Variants in KAT7 observed in about 807,000 individuals in gnomAD.
KAT7 encodes lysine acetyltransferase 7.
In KAT7, 10 loss-of-function variants were observed where a neutral mutation model predicts 82.1. The ratio of observed to expected loss-of-function variants is 0.12; its 90% CI spans 0.08 to 0.21. The LOEUF is 0.21. KAT7 is among the 10% of genes least tolerant of loss of function. The pLI is 1.00. For missense variants in KAT7, 378 were observed against 760.9 expected, an observed-to-expected ratio of 0.50 and a Z score of 5.92; for synonymous variants, 250 against 262.5, an observed-to-expected ratio of 0.95 and a Z score of 0.46.
intron 6 of KAT7, 61 bp downstream of exon 6, chr17:49,809,269 C>T: frequency 8.4e-7 from 1 of 1,186,850 alleles, no homozygotes; most frequent in Non-Finnish European, 1.3e-6. Flanking sequence ...TGGATCTCCT[C>T]TATAATTGTC....
chr17:49,809,061 T>A, intron 5 of KAT7, 58 bp from the exon 6 acceptor site: 1 of 1,351,710 alleles, frequency 7.4e-7, no homozygotes, highest in Middle Eastern at 1.8e-4. Context: ...ATTCTTATGC[T>A]TTAAGTAAAC....
chr17:49,797,576 A>C (rs1172980655), intron 3 of KAT7, among the ~76,000 whole-genome samples: 1 of 152,220 alleles, frequency 6.6e-6, no homozygotes, highest in Non-Finnish European at 1.5e-5. Flanking sequence ...CAGACTGGTG[A>C]ACTACTTCTA....
Position 49,797,704 on chromosome 17 carries a change from A to G in KAT7, c.341-615A>G, listed in dbSNP as rs1006689851. Reference sequence around the variant, plus strand: ...AACCTGGATTAATAGTTTATTTTAAACAATGAAAAGATCTGGGAACACTGG... The same window carrying G: ...AACCTGGATTAATAGTTTATTTTAAGCAATGAAAAGATCTGGGAACACTGG... On this transcript the variant is annotated intron_variant, in intron 3 of 14. Coordinates refer to ENST00000259021, the MANE Select transcript of KAT7 (RefSeq NM_007067.5). 2.6e-5 allele frequency among the ~76,000 whole-genome samples: 4 copies of G among 152,354 alleles called. No homozygotes were observed. The East Asian group carries it at 7.7e-4, about 29-fold the overall frequency.
rs1195418640 is a variant in KAT7, at chr17:49,834,601, C to A, written c.*7099C>A. On this transcript the variant is annotated 3_prime_UTR_variant, in exon 15 of 15. Transcript: ENST00000259021. ...GCTTTCATCATTCCCTTACACATAA[C>A]CTCAACGTGCAACAGGATTAGTCTA... is the stretch of plus-strand genomic sequence containing the variant. 2.0e-5 allele frequency: 3 copies of A among 152,252 alleles called. No homozygotes were observed. Among genetic ancestry groups the A allele is most frequent in the Non-Finnish European group, 2.9e-5 (2 of 68,044 alleles). The allele number at this position is 152,252 out of a possible 1,614,324, so 9.4% of individuals were successfully genotyped here.
At chr17:49,807,974 G>A (rs2074112339) in intron 5 of KAT7, among the ~76,000 whole-genome samples, 1 of 152,122 alleles carries the variant, frequency 6.6e-6, no homozygotes, top group African/African-American at 2.4e-5. Context: ...ACCATTCTGA[G>A]TTTTAGTGGT....
intron 12 of KAT7, chr17:49,824,408 G>A (rs1288344657): frequency 6.6e-6 from 1 of 152,206 alleles, no homozygotes; most frequent in East Asian, 1.9e-4. Context: ...TGCCCAGGCT[G>A]GAGCACAATG....
At position 49,829,039 on chromosome 17, in the gene KAT7, A is replaced by G. The variant is rs1157267887; in HGVS notation, c.*1537A>G. Reference sequence around the variant, plus strand: ...TTACAGAAGCTAAACCCTTCCCCACATGTGGTAGAATGTGCTCTTCTATAT... The same window carrying G: ...TTACAGAAGCTAAACCCTTCCCCACGTGTGGTAGAATGTGCTCTTCTATAT... On this transcript the variant is annotated 3_prime_UTR_variant, in exon 15 of 15. Coordinates refer to ENST00000259021, the MANE Select transcript of KAT7 (RefSeq NM_007067.5). 1.3e-5 allele frequency: 2 copies of G among 152,652 alleles called. No homozygotes were observed. Among genetic ancestry groups the G allele is most frequent in the African/African-American group, 4.8e-5 (2 of 41,440 alleles). The allele number at this position is 152,652 out of a possible 1,614,324, so 9.5% of individuals were successfully genotyped here. A position where few individuals can be genotyped will look rare whatever the true frequency, so the allele number is the denominator to read the frequency against.
chr17:49,798,938 A>G (rs562305347), intron 4 of KAT7, among the ~76,000 whole-genome samples: 1 of 152,358 alleles, frequency 6.6e-6, no homozygotes, highest in East Asian at 1.9e-4. Context: ...TTGCACGGCC[A>G]TAGCTGTTAA....
intron 11 of KAT7, 129 bp downstream of exon 11, chr17:49,821,919 A>T (rs1040032887): frequency 4.1e-5 from 6 of 146,292 alleles, no homozygotes; most frequent in African/African-American, 1.6e-4. Context: ...TCCTTAAATT[A>T]AAAAAAAAAA....
chr17:49,793,918 A>G (rs558254360), intron 2 of KAT7, among the ~76,000 whole-genome samples: 1 of 152,288 alleles, frequency 6.6e-6, no homozygotes, highest in African/African-American at 2.4e-5. Flanking sequence ...GAGAAAAACC[A>G]TCAGTTTTTC....
chr17:49,788,817 G>T lies in KAT7; in HGVS notation c.-18G>T. 1 of 1,582,900 alleles carries T rather than the reference G, an allele frequency of 6.3e-7. No homozygotes were observed. Among genetic ancestry groups the T allele is most frequent in the East Asian group, 2.4e-5 (1 of 42,256 alleles). On this transcript the variant is annotated 5_prime_UTR_variant, in exon 1 of 15. Coordinates refer to ENST00000259021, the MANE Select transcript of KAT7 (RefSeq NM_007067.5). ...CGCCGCTGCCCGAATCGGAACCGTC[G>T]GGCCGCAGCCGCCGGCAATGCCGCG...
chr17:49,818,102 C>T (rs2074256225), intron 9 of KAT7, 91 bp downstream of exon 9: 8 of 1,000,812 alleles, frequency 8.0e-6, no homozygotes, highest in Non-Finnish European at 1.1e-5. Context: ...TCTGTTCAGG[C>T]ACCTTCTCAG....
rs116010232 is a variant in KAT7, at chr17:49,825,186, C to T, written c.1481-814C>T. Among the ~76,000 whole-genome samples, 617 of 152,202 alleles carry T rather than the reference C, an allele frequency of 4.1e-3. 4 individuals are homozygous for T. The highest frequency in any genetic ancestry group is 0.014 in the African/African-American group (597 of 41,518). On this transcript the variant is annotated intron_variant, in intron 12 of 14. Transcript: ENST00000259021. ...TTATGAACTTTGCACACTGCATCTC[C>T]ATAGTGTTGTTTTATATATTTTGTA... is the stretch of plus-strand genomic sequence containing the variant.
chr17:49,821,938 AC>A, intron 11 of KAT7, 148 bp downstream of exon 11: 1 of 693,610 alleles, frequency 1.4e-6, no homozygotes, highest in Non-Finnish European at 2.4e-6. Flanking sequence ...AAAAAGGCAA[AC>A]CCATGTATCA....
At position 49,817,867 on chromosome 17, in the gene KAT7, T is replaced by G; in HGVS notation, c.1011T>G (p.Ile337Met). 6.2e-7 allele frequency: 1 copy of G among 1,613,070 alleles called. No homozygotes were observed. Among genetic ancestry groups the G allele is most frequent in the Non-Finnish European group, 8.5e-7 (1 of 1,179,846 alleles). Residue 337 changes from isoleucine to methionine, a missense_variant, in exon 9 of 15, where the codon ATT becomes ATG. This residue lies in a region of KAT7 where 37 missense variants were observed against 98.6 expected (regional missense o/e 0.38). Transcript: ENST00000259021. ...AAATCACAGAGGGAAGCAACATGAT[T>G]AAAACAATTGCTTTTGGCCGCTATG... ...QGQITEGSNM[I>M]KTIAFGRYEL...
chr17:49,798,845 A>G (rs1374699729), intron 4 of KAT7, among the ~76,000 whole-genome samples: 4 of 152,214 alleles, frequency 2.6e-5, no homozygotes, highest in African/African-American at 7.2e-5. Context: ...AGCAAAAAAG[A>G]CTATCTGCAG....
chr17:49,803,890 C>CTT (rs750265866), intron 4 of KAT7, among the ~76,000 whole-genome samples: 266 of 134,694 alleles, frequency 2.0e-3, no homozygotes, highest in African/African-American at 6.1e-3. Context: ...AATTAAATGT[C>CTT]TTTTTTTTTT....
chr17:49,813,264 G>T (rs2074192568), intron 7 of KAT7, among the ~76,000 whole-genome samples: 1 of 152,086 alleles, frequency 6.6e-6, no homozygotes, highest in South Asian at 2.1e-4. Flanking sequence ...TTATAAGTGA[G>T]AACATGCTGT....
rs2074305850 is a variant in KAT7 at position 49,821,730 on chromosome 17, G to T, written c.1326G>T (p.Leu442=). The change falls in exon 11 of 15, where the codon CTG becomes CTT. Residue 442 remains leucine (L), a synonymous_variant. Coordinates refer to ENST00000259021, the MANE Select transcript of KAT7 (RefSeq NM_007067.5). ...KTLYYDVEPF[L]FYVMTEADNT... is the part of the protein sequence containing the mutation. The stretch of plus-strand genomic sequence containing the variant: ...TATATTATGATGTGGAGCCCTTCCT[G>T]TTCTATGTTATGACAGAGGCGGACA... The T allele has an allele frequency of 6.2e-7, 1 of 1,613,864 alleles. No individual in the cohort carries two copies. The highest frequency in any genetic ancestry group is 2.2e-5 in the East Asian group (1 of 44,866).
Sources: gnomAD v4.1 joint callset for allele counts (sites outside exome capture counted in the v4.1 genomes callset) on GRCh38, gnomAD v4.1.1 for gene constraint, gnomAD v4.1.1 regional missense constraint, MANE v1.5 for transcripts, NCBI Gene and HGNC (gene_info 2026-07-23, HGNC 2026-07-21) for gene names.